The following DIABLO variants were observed in gnomAD, a reference collection of about 807,000 sequenced individuals.
DIABLO encodes diablo IAP-binding mitochondrial protein, also known as diablo homolog, mitochondrial.
DIABLO carries 32 observed loss-of-function variants against 31.7 expected under a neutral mutation model. The observed-to-expected ratio is 1.01, with a 90% CI of 0.76 to 1.35. DIABLO has a LOEUF of 1.35. Ranked by LOEUF, DIABLO falls within the 40% of genes most tolerant of loss-of-function variation. DIABLO has a pLI of 0.00. For synonymous variants in DIABLO, 132 were observed against 103.2 expected, an observed-to-expected ratio of 1.28 and a Z score of -1.69; for missense variants, 316 against 286.4, an observed-to-expected ratio of 1.10 and a Z score of -0.75.
intron 2 of DIABLO, among the ~76,000 whole-genome samples, chr12:122,223,433 TAAAAAAA>T (rs34214105): frequency 3.6e-5 from 5 of 139,996 alleles, no homozygotes; most frequent in Admixed American, 3.6e-4. Context: ...ACTCTGTCTT[TAAAAAAA>T]AAAAAAAAAA....
intron 5 of DIABLO, among the ~76,000 whole-genome samples, chr12:122,210,294 A>C (rs1479549312): frequency 6.6e-6 from 1 of 151,600 alleles, no homozygotes; most frequent in Non-Finnish European, 1.5e-5. Context: ...GGAAGATTTG[A>C]TAAAACTCTC....
intron 2 of DIABLO, among the ~76,000 whole-genome samples, chr12:122,223,076 A>G (rs935197272): frequency 6.6e-6 from 1 of 152,020 alleles, no homozygotes; most frequent in Non-Finnish European, 1.5e-5. Flanking sequence ...TAGTCTTCCT[A>G]GTTCCACACA....
intron 1 of DIABLO, chr12:122,225,546 G>A (rs1308013415): frequency 5.2e-6 from 6 of 1,149,698 alleles, no homozygotes; most frequent in Non-Finnish European, 5.4e-6. Context: ...GCAGCGCTAG[G>A]TAGAGAGCCC....
chr12:122,226,427 C>T, upstream of DIABLO: 1 of 694,132 alleles, frequency 1.4e-6, no homozygotes, highest in Non-Finnish European at 2.6e-6. Context: ...GGCGACGGCG[C>T]TGTCACTTCA....
intron 1 of DIABLO, 62 bp downstream of exon 1, chr12:122,225,903 C>T: frequency 1.9e-6 from 3 of 1,549,064 alleles, no homozygotes; most frequent in Non-Finnish European, 2.6e-6. Flanking sequence ...GGCCGGGCCA[C>T]AGCGCTGTCC....
chr12:122,210,323 C>T (rs61955589), intron 5 of DIABLO, among the ~76,000 whole-genome samples: 6,429 of 151,450 alleles, frequency 0.042, 191 homozygotes, highest in Middle Eastern at 0.12. Context: ...CATCCTAGGC[C>T]CTGGTGTCCA....
At chr12:122,225,911 T>C (rs1954455013) in intron 1 of DIABLO, 54 bp downstream of exon 1, 1 of 1,551,870 alleles carries the variant, frequency 6.4e-7, no homozygotes, top group Non-Finnish European at 8.7e-7. Context: ...CACAGCGCTG[T>C]CCGCGTCGGT....
intron 1 of DIABLO, 181 bp downstream of exon 1, chr12:122,225,784 G>C (rs1954450482): frequency 4.8e-6 from 7 of 1,452,394 alleles, no homozygotes; most frequent in Non-Finnish European, 6.3e-6. Flanking sequence ...AGCCGGGCTT[G>C]ACCCAGGGGG....
intron 1 of DIABLO, 166 bp downstream of exon 1, chr12:122,225,799 G>A (rs1053733543): frequency 3.4e-6 from 5 of 1,468,268 alleles, no homozygotes; most frequent in African/African-American, 1.4e-5. Flanking sequence ...AGGGGGCGGA[G>A]GCGGGGCTGT....
intron 2 of DIABLO, 142 bp downstream of exon 2, chr12:122,224,370 A>G (rs1954399260): frequency 3.3e-6 from 4 of 1,229,504 alleles, no homozygotes; most frequent in Non-Finnish European, 2.4e-6. Flanking sequence ...TATCTGCTCA[A>G]CTGTGAAAAG....
At chr12:122,220,067 C>T (rs1161297128) in intron 2 of DIABLO, among the ~76,000 whole-genome samples, 1 of 151,440 alleles carries the variant, frequency 6.6e-6, no homozygotes, top group East Asian at 2.0e-4. Context: ...CCTCAGCTTC[C>T]CCAGTGGCTG....
intron 5 of DIABLO, chr12:122,208,914 C>A: frequency 2.6e-6 from 1 of 388,714 alleles, no homozygotes. Context: ...TTCTTTTTGA[C>A]AAAGAGATCA....
intron 1 of DIABLO, chr12:122,225,058 C>G (rs1420492540): frequency 2.8e-6 from 1 of 356,150 alleles, no homozygotes; most frequent in Non-Finnish European, 5.4e-6. Flanking sequence ...ACTTAAAACA[C>G]AAAAATTAGC....
At chr12:122,212,011 TTTA>T (rs1389285764) in intron 5 of DIABLO, among the ~76,000 whole-genome samples, 1 of 151,834 alleles carries the variant, frequency 6.6e-6, no homozygotes, top group African/African-American at 2.4e-5. Context: ...TTTTTTTTTT[TTTA>T]AATTACAGAT....
chr12:122,224,618 A>C lies in DIABLO; in HGVS notation c.77T>G (p.Val26Gly). Residue 26 changes from valine (V) to glycine (G), a missense_variant, in exon 2 of 6, where the codon GTT becomes GGT. Val to Gly is a moderately radical substitution (Grantham distance 109, BLOSUM62 -3). Coordinates refer to ENST00000464942, the MANE Select transcript of DIABLO (RefSeq NM_001371333.1). ...FRYRQCLCVP[V>G]VANFKKRCFS... ...ACACCGCTTCTTAAAGTTAGCCACA[A>C]CAGGAACACACAAACACTGTCTGTA... is the stretch of plus-strand genomic sequence containing the variant. 6.8e-6 allele frequency: 11 copies of C among 1,614,108 alleles called. No homozygotes were observed. The highest frequency in any genetic ancestry group is 9.3e-6 in the Non-Finnish European group (11 of 1,180,018).
rs757150515 is a variant in DIABLO at position 122,208,279 on chromosome 12, G to A, written c.*102C>T. On this transcript the variant is annotated 3_prime_UTR_variant, in exon 6 of 6. Coordinates refer to ENST00000464942, the MANE Select transcript of DIABLO (RefSeq NM_001371333.1). ...CTGATTGGCCAGGGCAGGATCTGCC[G>A]CCTCTTCTCGGTGCACAGACAGTCA... The A allele has an allele frequency of 6.4e-5, 90 of 1,406,334 alleles. No homozygotes were observed. Among genetic ancestry groups the A allele is most frequent in the South Asian group, 1.3e-4 (11 of 86,122 alleles). 87.1% of individuals were successfully genotyped at this position (1,406,334 alleles called of 1,614,324 possible).
chr12:122,217,926 A>G (rs576895877), intron 3 of DIABLO: 1 of 314,926 alleles, frequency 3.2e-6, no homozygotes, highest in Admixed American at 4.6e-5. Context: ...ACTGAACCAT[A>G]TCAGCTTCAC....
At chr12:122,221,525 C>T (rs973879700) in intron 2 of DIABLO, 1 of 152,108 alleles carries the variant, frequency 6.6e-6, no homozygotes, top group African/African-American at 2.4e-5. Flanking sequence ...CCTCCTGCCT[C>T]CCAGGTAGCT....
upstream of DIABLO, chr12:122,226,120 C>CCCCCA (rs1954466725): frequency 6.8e-7 from 1 of 1,479,838 alleles, no homozygotes; most frequent in African/African-American, 1.4e-5. Context: ...CATAGCCACG[C>CCCCCA]CCCCACCCAA....
Sources: allele counts gnomAD v4.1 joint callset (sites outside exome capture counted in the v4.1 genomes callset), GRCh38; gene constraint gnomAD v4.1.1; transcripts MANE v1.5; gene names NCBI Gene and HGNC (gene_info 2026-07-23, HGNC 2026-07-21).